The following HIVEP3 variants were observed in gnomAD, a reference collection of about 807,000 sequenced individuals.
The protein encoded by HIVEP3 is HIVEP zinc finger 3.
A neutral mutation model predicts 152.8 loss-of-function variants in HIVEP3; 49 were observed. That is an observed-to-expected ratio of 0.32 (90% CI 0.26 to 0.41). HIVEP3 has a LOEUF of 0.41. Among genes scored for constraint, HIVEP3 ranks in the 10% least tolerant of loss-of-function variants. HIVEP3 has a pLI of 1.00. For synonymous variants in HIVEP3, 1,269 were observed against 1,289.0 expected (o/e 0.98, Z 0.33); for missense variants, 2,790 against 3,103.3 (o/e 0.90, Z 2.40).
At chr1:41,547,395 G>A (rs748945434) in intron 5 of HIVEP3, among the ~76,000 whole-genome samples, 1 of 152,174 alleles carries the variant, frequency 6.6e-6, no homozygotes, top group Non-Finnish European at 1.5e-5. Flanking sequence ...GCAGGGTTGG[G>A]GAGGGCCAGG....
chr1:41,789,286 T>C (rs1432406849), intron 1 of HIVEP3, among the ~76,000 whole-genome samples: 1 of 152,216 alleles, frequency 6.6e-6, no homozygotes, highest in Non-Finnish European at 1.5e-5. Context: ...AACCACTTCA[T>C]GCTTCAGTTT....
intron 1 of HIVEP3, among the ~76,000 whole-genome samples, chr1:41,814,899 G>A (rs776544986): frequency 4.1e-4 from 62 of 152,176 alleles, no homozygotes; most frequent in Non-Finnish European, 7.3e-4. Flanking sequence ...AGGCATACAC[G>A]TTATATGCAT....
intron 3 of HIVEP3, among the ~76,000 whole-genome samples, chr1:41,608,399 C>T (rs896817681): frequency 6.6e-6 from 1 of 152,214 alleles, no homozygotes; most frequent in Non-Finnish European, 1.5e-5. Flanking sequence ...GTCTGGAATG[C>T]CCTTGCTCAG....
intron 5 of HIVEP3, among the ~76,000 whole-genome samples, chr1:41,528,318 T>A (rs1291431880): frequency 3.4e-5 from 2 of 58,880 alleles, no homozygotes; most frequent in Non-Finnish European, 3.3e-5. Flanking sequence ...ACCTTCACAC[T>A]CCACACCCCC....
intron 1 of HIVEP3, among the ~76,000 whole-genome samples, chr1:41,927,032 G>A (rs1180054900): frequency 6.6e-6 from 1 of 152,228 alleles, no homozygotes; most frequent in Non-Finnish European, 1.5e-5. Flanking sequence ...TGTCTCAGGC[G>A]AGGATGTAGC....
chr1:41,929,726 T>TTATATATA (rs55663663), intron 1 of HIVEP3, among the ~76,000 whole-genome samples: 19 of 112,812 alleles, frequency 1.7e-4, no homozygotes, highest in South Asian at 6.0e-4. Context: ...ATATGTGTTT[T>TTATATATA]TATATATATA....
chr1:41,845,346 A>G (rs521855), intron 1 of HIVEP3, among the ~76,000 whole-genome samples: 94,000 of 151,148 alleles, frequency 0.62, 30,659 homozygotes, highest in African/African-American at 0.81. Flanking sequence ...TAGAATGGAT[A>G]AATGAGTGCT....
At chr1:41,853,554 C>G (rs1378108354) in intron 1 of HIVEP3, among the ~76,000 whole-genome samples, 1 of 152,126 alleles carries the variant, frequency 6.6e-6, no homozygotes, top group Non-Finnish European at 1.5e-5. Context: ...CCTGCTCTCT[C>G]CTTTGACATG....
At chr1:41,928,259 T>C (rs1307105991) in intron 1 of HIVEP3, among the ~76,000 whole-genome samples, 1 of 152,114 alleles carries the variant, frequency 6.6e-6, no homozygotes, top group Non-Finnish European at 1.5e-5. Flanking sequence ...TGCAAAATGT[T>C]CTTCCACAAG....
chr1:41,603,548 C>T (rs1175599986), intron 3 of HIVEP3, among the ~76,000 whole-genome samples: 4 of 148,966 alleles, frequency 2.7e-5, no homozygotes, highest in East Asian at 2.0e-4. Context: ...TTAGTGGAAA[C>T]GGGGTTTCAC....
At chr1:41,722,512 CCTCCT>C (rs1646692853) in intron 1 of HIVEP3, among the ~76,000 whole-genome samples, 1 of 142,624 alleles carries the variant, frequency 7.0e-6, no homozygotes, top group African/African-American at 2.6e-5. Flanking sequence ...CCTTCCCTTC[CCTCCT>C]TTCCTCCCTT....
rs552084400 is a variant in HIVEP3 at position 41,616,699 on chromosome 1, C to T, written c.-522+12050G>A. ...AATTCCTGGCCTCAAATGATCCTCC[C>T]GCCTTAGCATCTTGAGTATCTCAGA... On this transcript the variant is annotated intron_variant, in intron 3 of 8. Coordinates refer to ENST00000372583, the MANE Select transcript of HIVEP3 (RefSeq NM_024503.5). Among the ~76,000 whole-genome samples the T allele has an allele frequency of 5.9e-5, 9 of 151,364 alleles. No individual in the cohort carries two copies. The East Asian group carries it at 7.7e-4, about 13-fold the overall frequency.
intron 1 of HIVEP3, among the ~76,000 whole-genome samples, chr1:41,744,415 C>T (rs1283782529): frequency 6.6e-6 from 1 of 152,234 alleles, no homozygotes; most frequent in Non-Finnish European, 1.5e-5. Context: ...CTGAATCAAA[C>T]TAGTTCCTGC....
intron 1 of HIVEP3, among the ~76,000 whole-genome samples, chr1:41,875,028 C>T (rs748053678): frequency 3.9e-5 from 6 of 152,226 alleles, no homozygotes; most frequent in Non-Finnish European, 8.8e-5. Flanking sequence ...ACAACCTTGG[C>T]AGGTCACAGG....
intron 1 of HIVEP3, among the ~76,000 whole-genome samples, chr1:41,767,351 G>T (rs1197830022): frequency 2.0e-5 from 3 of 152,198 alleles, no homozygotes; most frequent in Non-Finnish European, 4.4e-5. Context: ...TAGAGCTCTG[G>T]TTTCATGGCG....
At chr1:41,869,176 C>T (rs1000330422) in intron 1 of HIVEP3, among the ~76,000 whole-genome samples, 6 of 152,168 alleles carry the variant, frequency 3.9e-5, no homozygotes, top group Non-Finnish European at 7.4e-5. Context: ...GGGACAGTTC[C>T]ATTCTAGGCT....
chr1:41,836,870 T>C (rs1057414483), intron 1 of HIVEP3, among the ~76,000 whole-genome samples: 3 of 152,206 alleles, frequency 2.0e-5, no homozygotes, highest in Non-Finnish European at 4.4e-5. Flanking sequence ...ACTCAAATCA[T>C]ACAACTATCT....
chr1:41,559,029 G>A (rs1644013817), intron 5 of HIVEP3, among the ~76,000 whole-genome samples: 2 of 151,938 alleles, frequency 1.3e-5, no homozygotes, highest in Admixed American at 6.5e-5. Context: ...TGACTCTCTT[G>A]ACAGCTGGGC....
At chr1:41,712,088 G>A (rs936027884) in intron 1 of HIVEP3, among the ~76,000 whole-genome samples, 5 of 152,238 alleles carry the variant, frequency 3.3e-5, no homozygotes, top group East Asian at 1.9e-4. Context: ...ACTGAGGTCC[G>A]GGGAGGAGAG....
Sources: gnomAD v4.1 joint callset for allele counts (sites outside exome capture counted in the v4.1 genomes callset) on GRCh38, gnomAD v4.1.1 for gene constraint, MANE v1.5 for transcripts, NCBI Gene and HGNC (gene_info 2026-07-23, HGNC 2026-07-21) for gene names.